Variants in SCPEP1 observed in about 807,000 individuals in gnomAD.
The protein encoded by SCPEP1 is retinoid-inducible serine carboxypeptidase.
In SCPEP1, 51 loss-of-function variants were observed where a neutral mutation model predicts 63.8. The observed-to-expected ratio is 0.80, with a 90% CI of 0.64 to 1.01. The LOEUF (loss-of-function observed/expected upper bound fraction) is 1.01. Ranked by LOEUF, SCPEP1 falls within the 50% of genes least tolerant of loss-of-function variation. The pLI is 0.00. For synonymous variants in SCPEP1, 204 were observed against 207.8 expected (o/e 0.98, Z 0.16); for missense variants, 499 against 554.9 (o/e 0.90, Z 1.01).
chr17:56,979,613 A>G (rs1911012864), intron 1 of SCPEP1, among the ~76,000 whole-genome samples: 1 of 151,904 alleles, frequency 6.6e-6, no homozygotes, highest in Admixed American at 6.5e-5. Flanking sequence ...TAGAAAAGTT[A>G]AGTAAGGAAA....
chr17:57,000,397 C>T (rs950873069), intron 10 of SCPEP1, among the ~76,000 whole-genome samples: 4 of 152,108 alleles, frequency 2.6e-5, no homozygotes, highest in African/African-American at 9.7e-5. Flanking sequence ...TCCTGAGGGC[C>T]AGCTCTGAAT....
chr17:56,980,536 C>G (rs758517804), intron 1 of SCPEP1, among the ~76,000 whole-genome samples: 6 of 152,084 alleles, frequency 3.9e-5, no homozygotes, highest in Non-Finnish European at 7.4e-5. Flanking sequence ...TTCCTGTAAT[C>G]CCAGCACTTT....
chr17:57,006,239 G>A lies in SCPEP1; in HGVS notation c.*4G>A, dbSNP rs772539634. The A allele has an allele frequency of 3.7e-6, 6 of 1,610,474 alleles. No individual in the cohort carries two copies. Among genetic ancestry groups the A allele is most frequent in the African/African-American group, 1.3e-5 (1 of 74,746 alleles). On this transcript the variant is annotated 3_prime_UTR_variant, in exon 13 of 13. Coordinates refer to ENST00000262288, the MANE Select transcript of SCPEP1 (RefSeq NM_021626.3). ...ACTGGTGACTCAGCAAGAATAGGAT[G>A]GATGGGGCTGGAGATGAGCTGGTTT...
chr17:56,978,365 C>G, intron 1 of SCPEP1, 130 bp downstream of exon 1: 1 of 1,083,144 alleles, frequency 9.2e-7, no homozygotes. Flanking sequence ...AATTATATTG[C>G]TTTTGAATCT....
intron 8 of SCPEP1, among the ~76,000 whole-genome samples, chr17:56,996,563 A>T (rs1306325398): frequency 6.6e-6 from 1 of 150,580 alleles, no homozygotes; most frequent in East Asian, 1.9e-4. Context: ...TCTGTCACCC[A>T]CACTGTAGTG....
chr17:56,995,145 C>T (rs1911508864), intron 7 of SCPEP1, 127 bp downstream of exon 7: 2 of 775,922 alleles, frequency 2.6e-6, no homozygotes, highest in Non-Finnish European at 4.2e-6. Flanking sequence ...AGGGACTAGT[C>T]ATCCACATAG....
At chr17:56,988,510 G>A (rs913434751) in intron 5 of SCPEP1, among the ~76,000 whole-genome samples, 1 of 152,004 alleles carries the variant, frequency 6.6e-6, no homozygotes, top group African/African-American at 2.4e-5. Flanking sequence ...AAAAGAATGT[G>A]GTACTAACAT....
At chr17:56,997,604 A>G (rs1911607570) in intron 9 of SCPEP1, among the ~76,000 whole-genome samples, 1 of 152,172 alleles carries the variant, frequency 6.6e-6, no homozygotes, top group African/African-American at 2.4e-5. Flanking sequence ...AGTCTATAGA[A>G]TGTATAATCA....
chr17:56,986,323 G>A (rs1261422123), intron 3 of SCPEP1, among the ~76,000 whole-genome samples: 4 of 151,448 alleles, frequency 2.6e-5, no homozygotes, highest in African/African-American at 9.7e-5. Flanking sequence ...GGATTCAAGC[G>A]ATTCTCCTGC....
At chr17:56,982,376 G>A (rs1911093025) in intron 2 of SCPEP1, among the ~76,000 whole-genome samples, 1 of 152,218 alleles carries the variant, frequency 6.6e-6, no homozygotes, top group Non-Finnish European at 1.5e-5. Flanking sequence ...TTTCTGGTGA[G>A]ATAGAGCGAA....
intron 12 of SCPEP1, among the ~76,000 whole-genome samples, chr17:57,003,079 G>A (rs948978555): frequency 6.6e-6 from 1 of 152,082 alleles, no homozygotes; most frequent in African/African-American, 2.4e-5. Flanking sequence ...AGGGAAGGGT[G>A]CCCTGCCCAG....
intron 3 of SCPEP1, chr17:56,986,994 C>G (rs1298544779): frequency 3.3e-5 from 5 of 152,354 alleles, no homozygotes; most frequent in Admixed American, 2.6e-4. Context: ...CTCCCCACCC[C>G]CATTGTCCCC....
intron 12 of SCPEP1, among the ~76,000 whole-genome samples, chr17:57,005,796 G>A (rs116881691): frequency 3.7e-4 from 56 of 152,186 alleles, no homozygotes; most frequent in Non-Finnish European, 5.9e-4. Context: ...TTCTCAATCC[G>A]GGATCCCTTC....
intron 8 of SCPEP1, among the ~76,000 whole-genome samples, 168 bp from the exon 9 acceptor site, chr17:56,996,794 C>T (rs1911577518): frequency 1.3e-5 from 2 of 152,114 alleles, no homozygotes; most frequent in African/African-American, 2.4e-5. Context: ...GCTGGGATTA[C>T]AGACATGAGC....
chr17:56,996,495 G>A lies in SCPEP1; in HGVS notation c.787-467G>A, dbSNP rs558214247. ...GCTGGGATTATAGGCGTGAGCCACC[G>A]CGCCTGGCCTCTTTTTCCTTTCTTT... On this transcript the variant is annotated intron_variant, in intron 8 of 12. Transcript: ENST00000262288. 2.0e-3 allele frequency among the ~76,000 whole-genome samples: 295 copies of A among 145,250 alleles called. 4 individuals carry two copies. Among genetic ancestry groups the A allele is most frequent in the South Asian group, 0.011 (52 of 4,550 alleles).
At chr17:56,982,572 A>T (rs922568960) in intron 2 of SCPEP1, among the ~76,000 whole-genome samples, 4 of 152,154 alleles carry the variant, frequency 2.6e-5, no homozygotes, top group African/African-American at 9.7e-5. Context: ...CACAATTGGC[A>T]GGGAGAGCCA....
chr17:57,002,156 A>G lies in SCPEP1; in HGVS notation c.1271A>G (p.Tyr424Cys), dbSNP rs1280024330. The change falls in exon 12 of 13, where the codon TAC becomes TGC. Residue 424 changes from tyrosine (Y) to cysteine (C), a missense_variant. By Grantham distance (194) the Tyr-to-Cys change is radical. Coordinates refer to ENST00000262288, the MANE Select transcript of SCPEP1 (RefSeq NM_021626.3). ...FVKSYKNLAF[Y>C]WILKAGHMVP... ...AAGTCCTACAAGAACCTTGCTTTCT[A>G]CTGGATTCTGAAAGCTGGTCATATG... The G allele has an allele frequency of 1.9e-6, 3 of 1,613,836 alleles. No homozygotes were observed. In the African/African-American group the frequency reaches 4.0e-5, roughly 22 times the overall value.
chr17:56,988,419 G>GTAAT, intron 5 of SCPEP1, 129 bp downstream of exon 5: 1 of 598,598 alleles, frequency 1.7e-6, no homozygotes, highest in South Asian at 3.3e-5. Context: ...TAAATCTGTA[G>GTAAT]TAATAACCAT....
intron 11 of SCPEP1, among the ~76,000 whole-genome samples, chr17:57,001,519 G>C (rs545582005): frequency 1.3e-5 from 2 of 152,286 alleles, no homozygotes; most frequent in Non-Finnish European, 2.9e-5. Flanking sequence ...TCTCTGAACT[G>C]GCAGGGTAAT....
Sources: gnomAD v4.1 joint callset for allele counts (sites outside exome capture counted in the v4.1 genomes callset) on GRCh38, gnomAD v4.1.1 for gene constraint, MANE v1.5 for transcripts, NCBI Gene and HGNC (gene_info 2026-07-23, HGNC 2026-07-21) for gene names.